CACNA1D: variants seen among roughly 807,000 people sequenced by gnomAD.
The protein encoded by CACNA1D is voltage-dependent L-type calcium channel subunit alpha-1D.
Under a neutral mutation model 257.1 loss-of-function variants are expected in CACNA1D, and 55 were observed. The ratio of observed to expected loss-of-function variants is 0.21; its 90% CI spans 0.17 to 0.27. The LOEUF (loss-of-function observed/expected upper bound fraction) is 0.27. Among genes scored for constraint, CACNA1D ranks in the 10% least tolerant of loss-of-function variants. The pLI is 1.00. For missense variants in CACNA1D, 1,876 were observed against 2,784.0 expected (o/e 0.67, Z 7.34); for synonymous variants, 980 against 1,014.9 (o/e 0.97, Z 0.65).
chr3:53,672,755 A>G (rs1314548360), intron 7 of CACNA1D, among the ~76,000 whole-genome samples: 2 of 70,632 alleles, frequency 2.8e-5, no homozygotes, highest in Non-Finnish European at 2.9e-5. Context: ...AGCCTTGATG[A>G]CTCTGTGTGT....
At chr3:53,753,797 G>T in intron 29 of CACNA1D, 115 bp downstream of exon 29, 1 of 730,432 alleles carries the variant, frequency 1.4e-6, no homozygotes, top group Non-Finnish European at 2.5e-6. Flanking sequence ...CCGCTAACTG[G>T]GTTACCACCT....
intron 21 of CACNA1D, among the ~76,000 whole-genome samples, chr3:53,742,191 C>A (rs1323558506): frequency 6.6e-6 from 1 of 152,206 alleles, no homozygotes; most frequent in African/African-American, 2.4e-5. Flanking sequence ...CTGGCGATTT[C>A]ATAAGGTTCA....
At chr3:53,798,301 A>ATG (rs1368042377) in intron 40 of CACNA1D, among the ~76,000 whole-genome samples, 2 of 122,522 alleles carry the variant, frequency 1.6e-5, no homozygotes, top group Admixed American at 9.0e-5. Context: ...AAGTGTGTGT[A>ATG]TGTGTGCGTG....
chr3:53,666,637 A>G, intron 7 of CACNA1D, 102 bp downstream of exon 7: 2 of 954,036 alleles, frequency 2.1e-6, no homozygotes, highest in Non-Finnish European at 3.4e-6. Flanking sequence ...GAAACCCTGA[A>G]GTCAGTTATT....
chr3:53,705,349 A>G (rs1175984324), intron 9 of CACNA1D, among the ~76,000 whole-genome samples: 3 of 152,152 alleles, frequency 2.0e-5, no homozygotes, highest in Non-Finnish European at 4.4e-5. Flanking sequence ...CCTTAAGTGC[A>G]TTGCTCAGTA....
intron 8 of CACNA1D, among the ~76,000 whole-genome samples, chr3:53,688,717 T>C (rs889071578): frequency 1.3e-5 from 2 of 152,230 alleles, no homozygotes; most frequent in African/African-American, 4.8e-5. Flanking sequence ...TAAGTCTGAC[T>C]GTCATGAGTT....
rs974658396 is a variant in CACNA1D, at chr3:53,673,495, T to C, written c.1220+369T>C. Reference sequence around the variant, plus strand: ...GTTATAAAACGATAGCAAAATGAGCTGGATTGGGTGGGCTTTTGGTAGTCC... The same window carrying C: ...GTTATAAAACGATAGCAAAATGAGCCGGATTGGGTGGGCTTTTGGTAGTCC... On this transcript the variant is annotated intron_variant, in intron 8 of 47. Transcript: ENST00000350061. The surrounding 1 kb of genome is among the most constrained non-coding windows in gnomAD (Gnocchi z 4.1). 6.6e-6 allele frequency among the ~76,000 whole-genome samples: 1 copy of C among 151,374 alleles called. No individual in the cohort carries two copies. The highest frequency in any genetic ancestry group is 1.5e-5 in the Non-Finnish European group (1 of 67,908).
At position 53,710,900 on chromosome 3, in the gene CACNA1D, T is replaced by C. The variant is rs565650605; in HGVS notation, c.1391-7401T>C. ...TCTGTCTTTTAGTCTCTGGCTACTT[T>C]GCCCAGGACTATGCCAAAGCTAGTA... On this transcript the variant is annotated intron_variant, in intron 9 of 47. Transcript: ENST00000350061. Among the ~76,000 whole-genome samples, 370 of 152,334 alleles carry C rather than the reference T, an allele frequency of 2.4e-3. 3 individuals are homozygous for C. The highest frequency in any genetic ancestry group is 8.1e-3 in the African/African-American group (335 of 41,568).
At chr3:53,739,197 A>G (rs184560206) in intron 20 of CACNA1D, among the ~76,000 whole-genome samples, 57 of 152,308 alleles carry the variant, frequency 3.7e-4, no homozygotes, top group African/African-American at 1.3e-3. Flanking sequence ...CTTGCTCTGC[A>G]GTGCCTGTGA....
intron 29 of CACNA1D, among the ~76,000 whole-genome samples, chr3:53,754,317 G>A (rs1347930922): frequency 2.0e-5 from 3 of 152,206 alleles, no homozygotes; most frequent in African/African-American, 7.2e-5. Context: ...TTCCCCACTT[G>A]TCAGTGGCTG....
At chr3:53,518,629 G>A (rs746270762) in intron 3 of CACNA1D, among the ~76,000 whole-genome samples, 18 of 152,252 alleles carry the variant, frequency 1.2e-4, no homozygotes, top group Middle Eastern at 3.4e-3. Context: ...GCCAGTTTCT[G>A]CTTTTCATTT....
intron 27 of CACNA1D, among the ~76,000 whole-genome samples, chr3:53,750,243 C>A (rs1327547736): frequency 6.6e-6 from 1 of 152,206 alleles, no homozygotes; most frequent in Non-Finnish European, 1.5e-5. Context: ...TACACCTGCA[C>A]TGTGACCCTA....
chr3:53,673,584 G>T lies in CACNA1D; in HGVS notation c.1220+458G>T. ...GCAGAAAAAAAAAAAAAAAGGGAAG[G>T]ACCTAGGCCCAGTCCCTGTCCTAGG... On this transcript the variant is annotated intron_variant, in intron 8 of 47. Coordinates refer to ENST00000350061, the MANE Select transcript of CACNA1D (RefSeq NM_001128840.3). This position sits in a 1 kb window ranked among gnomAD's most constrained non-coding sequence, Gnocchi z 4.1. 1.4e-6 allele frequency: 1 copy of T among 729,876 alleles called. No homozygotes were observed. 45.2% of individuals were successfully genotyped at this position (729,876 alleles called of 1,614,324 possible). A position where few individuals can be genotyped will look rare whatever the true frequency, so the allele number is the denominator to read the frequency against.
intron 3 of CACNA1D, among the ~76,000 whole-genome samples, chr3:53,609,409 C>CAAAA (rs33943272): frequency 2.5e-5 from 2 of 79,660 alleles, no homozygotes; most frequent in Non-Finnish European, 4.8e-5. Context: ...GACTCTACCT[C>CAAAA]AAAAAAAAAA....
intron 3 of CACNA1D, among the ~76,000 whole-genome samples, chr3:53,595,838 C>T (rs1244997293): frequency 6.6e-6 from 1 of 152,166 alleles, no homozygotes; most frequent in Non-Finnish European, 1.5e-5. Flanking sequence ...CTCATTTGAT[C>T]ATAAGGCATT....
In CACNA1D at chr3:53,745,823, G is replaced by A; in HGVS notation, c.3115G>A (p.Gly1039Arg). The A allele has an allele frequency of 6.2e-7, 1 of 1,613,604 alleles. No individual in the cohort carries two copies. The highest frequency in any genetic ancestry group is 8.5e-7 in the Non-Finnish European group (1 of 1,179,514). Reference sequence around the variant, plus strand: ...AACTGCCTGTCTATTTTATACCCAGGGGAAGTTCTATCGCTGTACGGATGA... The same window carrying A: ...AACTGCCTGTCTATTTTATACCCAGAGGAAGTTCTATCGCTGTACGGATGA... ...FACIGVQLFK[G>R]KFYRCTDEAK... The change falls in exon 25 of 48, where the codon GGG becomes AGG. Residue 1039 changes from glycine to arginine, a missense_variant and splice_region_variant. Gly to Arg is a moderately radical substitution (Grantham distance 125). This residue lies in a region of CACNA1D where 271 missense variants were observed against 425.5 expected (regional missense o/e 0.64). Coordinates refer to ENST00000350061, the MANE Select transcript of CACNA1D (RefSeq NM_001128840.3).
intron 42 of CACNA1D, 27 bp downstream of exon 42, chr3:53,801,452 G>A (rs1340309191): frequency 1.9e-6 from 3 of 1,612,072 alleles, no homozygotes; most frequent in Non-Finnish European, 2.5e-6. Flanking sequence ...GTTTGGACTT[G>A]CTCATGTGGT....
chr3:53,689,914 C>T (rs905867322), intron 8 of CACNA1D, among the ~76,000 whole-genome samples: 5 of 152,164 alleles, frequency 3.3e-5, no homozygotes, highest in African/African-American at 1.2e-4. Flanking sequence ...CCTGCCTTGG[C>T]TTCTCAAAGC....
intron 3 of CACNA1D, among the ~76,000 whole-genome samples, chr3:53,533,566 A>T (rs1452233079): frequency 1.3e-5 from 2 of 152,216 alleles, no homozygotes; most frequent in Non-Finnish European, 2.9e-5. Context: ...GGTAACATTC[A>T]GTTCTGACCT....
Sources: gnomAD v4.1 joint callset for allele counts (sites outside exome capture counted in the v4.1 genomes callset) on GRCh38, gnomAD v4.1.1 for gene constraint, gnomAD v4.1.1 regional missense constraint, Gnocchi (gnomAD v3.1) non-coding constraint, MANE v1.5 for transcripts, NCBI Gene and HGNC (gene_info 2026-07-23, HGNC 2026-07-21) for gene names.